The following CERS3 variants were observed in gnomAD, a reference collection of about 807,000 sequenced individuals.
CERS3 encodes LAG1 homolog, ceramide synthase 3.
Under a neutral mutation model 50.3 loss-of-function variants are expected in CERS3, and 33 were observed. The ratio of observed to expected loss-of-function variants is 0.66; its 90% CI spans 0.50 to 0.88. The LOEUF (loss-of-function observed/expected upper bound fraction) is 0.88. Ranked by LOEUF, CERS3 falls within the 40% of genes least tolerant of loss-of-function variation. The probability of loss-of-function intolerance (pLI) is 0.00; values close to 1 mark genes in which losing one functional copy is unlikely to be tolerated. For missense variants in CERS3, 470 were observed against 460.3 expected (o/e 1.02, Z -0.19); for synonymous variants, 176 against 155.2 (o/e 1.13, Z -0.99).
intron 11 of CERS3, among the ~76,000 whole-genome samples, chr15:100,428,532 C>T (rs778783258): frequency 2.0e-5 from 3 of 152,220 alleles, no homozygotes; most frequent in Admixed American, 6.5e-5. Flanking sequence ...CAGTAAGCAC[C>T]TCCAGTTATC....
chr15:100,437,387 G>A (rs557749943), intron 11 of CERS3, among the ~76,000 whole-genome samples: 2 of 152,314 alleles, frequency 1.3e-5, no homozygotes, highest in Non-Finnish European at 2.9e-5. Flanking sequence ...GGATGTTACA[G>A]ACTTTGTGTT....
intron 2 of CERS3, among the ~76,000 whole-genome samples, chr15:100,518,385 T>C (rs2036552171): frequency 6.6e-6 from 1 of 152,044 alleles, no homozygotes; most frequent in Non-Finnish European, 1.5e-5. Context: ...ATATCTGCGG[T>C]GCCTGGAACA....
chr15:100,506,278 A>G (rs2036176793), intron 2 of CERS3, among the ~76,000 whole-genome samples: 1 of 152,210 alleles, frequency 6.6e-6, no homozygotes. Context: ...TTTAAAAATG[A>G]GCAAAGGATC....
chr15:100,481,033 G>A (rs1251271288), intron 5 of CERS3, among the ~76,000 whole-genome samples: 1 of 152,164 alleles, frequency 6.6e-6, no homozygotes, highest in Non-Finnish European at 1.5e-5. Context: ...GATTGCTGGA[G>A]AAATAATAAT....
At chr15:100,527,357 G>A (rs2036824008) in intron 1 of CERS3, among the ~76,000 whole-genome samples, 1 of 152,166 alleles carries the variant, frequency 6.6e-6, no homozygotes, top group African/African-American at 2.4e-5. Flanking sequence ...GCAGGATGCA[G>A]GAATTTGAAT....
intron 1 of CERS3, among the ~76,000 whole-genome samples, chr15:100,543,679 A>C (rs1001333406): frequency 6.6e-6 from 1 of 151,656 alleles, no homozygotes; most frequent in African/African-American, 2.4e-5. Context: ...ACAGGTGCCC[A>C]CCACCACGCT....
rs2036009519 is a variant in CERS3, at chr15:100,501,805, C to T, written c.45G>A (p.Trp15Ter). The stretch of plus-strand genomic sequence containing the variant: ...CTGACCACTTTATTGTTGGAGGAAG[C>T]CAGAATCTTTCCAACCAGAACCATT... ...FKEWFWLERF[W>*]LPPTIKWSDL... Residue 15 changes from tryptophan to a stop codon, truncating the protein, a stop_gained, in exon 3 of 12, where the codon TGG becomes TGA. Coordinates refer to ENST00000679737, the MANE Select transcript of CERS3 (RefSeq NM_001378789.1). LOFTEE classifies it high-confidence loss of function. 2 of 1,613,980 alleles carry T rather than the reference C, an allele frequency of 1.2e-6. No homozygotes were observed. The highest frequency in any genetic ancestry group is 1.3e-5 in the African/African-American group (1 of 74,904).
At chr15:100,405,242 AAAAAAAC>A (rs1389503967) in intron 11 of CERS3, among the ~76,000 whole-genome samples, 4,914 of 83,892 alleles carry the variant, frequency 0.059, 110 homozygotes, top group African/African-American at 0.1. Context: ...GTAAAAAAAA[AAAAAAAC>A]AAAAAAAAAC....
intron 2 of CERS3, chr15:100,503,945 C>T (rs2036087749): frequency 2.8e-6 from 1 of 355,810 alleles, no homozygotes; most frequent in East Asian, 7.7e-5. Flanking sequence ...AGGTCAAAGA[C>T]ATGTGTGTTG....
intron 11 of CERS3, among the ~76,000 whole-genome samples, chr15:100,411,344 T>C (rs1329200941): frequency 6.6e-6 from 1 of 152,094 alleles, no homozygotes; most frequent in Non-Finnish European, 1.5e-5. Context: ...GTATTTTTAG[T>C]AGAGACGGGG....
chr15:100,537,322 G>T (rs1045457446), intron 1 of CERS3, among the ~76,000 whole-genome samples: 1 of 152,236 alleles, frequency 6.6e-6, no homozygotes, highest in Non-Finnish European at 1.5e-5. Context: ...GTTCCAGAGG[G>T]CATTAGAGAA....
At chr15:100,478,754 C>A (rs1480396766) in intron 7 of CERS3, among the ~76,000 whole-genome samples, 1 of 151,870 alleles carries the variant, frequency 6.6e-6, no homozygotes, top group African/African-American at 2.4e-5. Context: ...ATCTTTCTGA[C>A]AAACAAAATC....
intron 11 of CERS3, among the ~76,000 whole-genome samples, chr15:100,416,499 G>A: frequency 6.6e-6 from 1 of 152,190 alleles, no homozygotes; most frequent in East Asian, 1.9e-4. Context: ...TACTACCCAA[G>A]ACTGGGTAAT....
intron 11 of CERS3, among the ~76,000 whole-genome samples, chr15:100,404,332 T>C (rs1439611358): frequency 6.6e-6 from 1 of 152,178 alleles, no homozygotes; most frequent in East Asian, 1.9e-4. Flanking sequence ...AATTAAAAAC[T>C]GAAATTTAAA....
At chr15:100,414,831 A>AAAAAAAC (rs1254565851) in intron 11 of CERS3, among the ~76,000 whole-genome samples, 6 of 150,742 alleles carry the variant, frequency 4.0e-5, no homozygotes, top group African/African-American at 1.5e-4. Flanking sequence ...AAAAAAAAAA[A>AAAAAAAC]CCCTGGAAGA....
chr15:100,470,084 G>A (rs1450214586), intron 9 of CERS3, among the ~76,000 whole-genome samples: 1 of 152,214 alleles, frequency 6.6e-6, no homozygotes, highest in Non-Finnish European at 1.5e-5. Context: ...AAGAACTGCA[G>A]AAAGGGTTGC....
chr15:100,426,873 A>T (rs1485395756), intron 11 of CERS3, among the ~76,000 whole-genome samples: 1 of 152,138 alleles, frequency 6.6e-6, no homozygotes, highest in African/African-American at 2.4e-5. Context: ...TGAAAACAAA[A>T]TCCTAAAAAT....
At chr15:100,527,606 C>T (rs8024911) in intron 1 of CERS3, among the ~76,000 whole-genome samples, 3,434 of 152,290 alleles carry the variant, frequency 0.023, 143 homozygotes, top group African/African-American at 0.078. Flanking sequence ...TGCAGAAATG[C>T]AATAAAGCTG....
chr15:100,451,303 A>C (rs1460472399), intron 11 of CERS3, among the ~76,000 whole-genome samples: 1 of 152,244 alleles, frequency 6.6e-6, no homozygotes, highest in Non-Finnish European at 1.5e-5. Context: ...CTAACCTTGA[A>C]TGTAAACAGA....
Sources: allele counts gnomAD v4.1 joint callset (sites outside exome capture counted in the v4.1 genomes callset), GRCh38; gene constraint gnomAD v4.1.1; transcripts MANE v1.5; gene names NCBI Gene and HGNC (gene_info 2026-07-23, HGNC 2026-07-21).